CPNE9: variants seen among roughly 807,000 people sequenced by gnomAD.
The protein encoded by CPNE9 is copine-9.
CPNE9 carries 59 observed loss-of-function variants against 83.0 expected under a neutral mutation model. The observed-to-expected ratio is 0.71, with a 90% confidence interval of 0.58 to 0.88. The LOEUF (loss-of-function observed/expected upper bound fraction) is 0.88. Among genes scored for constraint, CPNE9 ranks in the 40% least tolerant of loss-of-function variants. The pLI is 0.00. For synonymous variants in CPNE9, 256 were observed against 273.4 expected, an observed-to-expected ratio of 0.94 and a Z score of 0.63; for missense variants, 619 against 720.8, an observed-to-expected ratio of 0.86 and a Z score of 1.62.
chr3:9,724,621 C>G (rs889182485), intron 17 of CPNE9, among the ~76,000 whole-genome samples: 3 of 152,148 alleles, frequency 2.0e-5, no homozygotes, highest in African/African-American at 7.2e-5. Context: ...TGCTGTTCCC[C>G]CTTCCTAGAA....
At chr3:9,705,169 T>G in intron 4 of CPNE9, 175 bp downstream of exon 4, 1 of 656,368 alleles carries the variant, frequency 1.5e-6, no homozygotes, top group Admixed American at 2.2e-5. Context: ...GCGGTCCAGT[T>G]CCGTCCCCCG....
Position 9,726,740 on chromosome 3 carries a change from T to G in CPNE9, c.1402+18T>G. 1 of 1,611,862 alleles carries G rather than the reference T, an allele frequency of 6.2e-7. No homozygotes were observed. The highest frequency in any genetic ancestry group is 1.7e-5 in the Admixed American group (1 of 59,986). ...GTTTGAGGGTGAGTAGGAAGGGGTG[T>G]CCCTGAGTGGGACTAAGAACTAAGG... On this transcript the variant is annotated intron_variant, in intron 19 of 20. Coordinates refer to ENST00000383832, the MANE Select transcript of CPNE9 (RefSeq NM_153635.3).
chr3:9,705,071 C>G (rs1474000175), intron 4 of CPNE9, 77 bp downstream of exon 4: 8 of 1,073,628 alleles, frequency 7.5e-6, no homozygotes, highest in Non-Finnish European at 9.8e-6. Flanking sequence ...GCCCCACCCC[C>G]GCCTCGCCTC....
chr3:9,726,602 C>A, intron 18 of CPNE9, 63 bp from the exon 19 acceptor site: 3 of 1,300,542 alleles, frequency 2.3e-6, no homozygotes, highest in Admixed American at 1.7e-5. Context: ...AGAACTGTCT[C>A]CCAACAGTCA....
Position 9,712,602 on chromosome 3 carries a change from C to T in CPNE9, c.439C>T (p.Arg147Trp), listed in dbSNP as rs775250719. The T allele has an allele frequency of 1.9e-6, 3 of 1,613,802 alleles. No homozygotes were observed. The highest frequency in any genetic ancestry group is 2.2e-5 in the East Asian group (1 of 44,884). ...LLTAEELSNC[R>W]DIATMQLCAN... ...GACTGCAGAAGAGCTTAGCAATTGT[C>T]GGGTCAGTAAGGGCCACATGCTAGA... Residue 147 changes from arginine to tryptophan, a missense_variant and splice_region_variant, in exon 8 of 21, where the codon CGG becomes TGG. Coordinates refer to ENST00000383832, the MANE Select transcript of CPNE9 (RefSeq NM_153635.3).
At chr3:9,716,059 G>A (rs781776490) in intron 14 of CPNE9, 24 bp downstream of exon 14, 2 of 1,597,680 alleles carry the variant, frequency 1.3e-6, no homozygotes, top group African/African-American at 1.3e-5. Context: ...CAAGCTCTGG[G>A]CTGAAAGCCC....
chr3:9,714,916 C>A lies in CPNE9; in HGVS notation c.653C>A (p.Thr218Lys). ...TATGTTTATCTCCTACATTTCAGAACGGTGAAGATTGATGTGTACGACTGG... is the reference window on the plus strand; with the variant it reads ...TATGTTTATCTCCTACATTTCAGAAAGGTGAAGATTGATGTGTACGACTGG... ...RALCNGDYDRTVKIDVYDWDR... is the reference protein window; with the variant it reads ...RALCNGDYDRKVKIDVYDWDR... Residue 218 changes from threonine to lysine, a missense_variant and splice_region_variant, in exon 11 of 21, where the codon ACG becomes AAG. By Grantham distance (78) the Thr-to-Lys change is moderately conservative. This residue lies in a region of CPNE9 where 438 missense variants were observed against 562.9 expected (regional missense o/e 0.78). Transcript: ENST00000383832. 6.2e-7 allele frequency: 1 copy of A among 1,613,496 alleles called. No homozygotes were observed. The highest frequency in any genetic ancestry group is 8.5e-7 in the Non-Finnish European group (1 of 1,179,566).
intron 17 of CPNE9, among the ~76,000 whole-genome samples, chr3:9,719,937 G>A (rs1168872043): frequency 1.3e-5 from 2 of 150,398 alleles, no homozygotes; most frequent in East Asian, 3.9e-4. Context: ...GGTGCAGTGA[G>A]CCGAGATCAC....
chr3:9,705,325 A>C lies in CPNE9; in HGVS notation c.261-139A>C, dbSNP rs2076551010. 3 of 709,512 alleles carry C rather than the reference A, an allele frequency of 4.2e-6. No individual in the cohort carries two copies. In the Admixed American group the frequency reaches 7.2e-5, roughly 17 times the overall value. 44.0% of individuals were successfully genotyped at this position (709,512 alleles called of 1,614,324 possible). A position where few individuals can be genotyped will look rare whatever the true frequency, so the allele number is the denominator to read the frequency against. ...ACTCAGCCCACCCTGACTCCTCCCC[A>C]AAAGGAGACCAAAGCTGAATTCGGG... is the stretch of plus-strand genomic sequence containing the variant. On this transcript the variant is annotated intron_variant, in intron 4 of 20. Transcript: ENST00000383832.
chr3:9,707,885 CA>C (rs1247065966), intron 7 of CPNE9, among the ~76,000 whole-genome samples: 2 of 150,172 alleles, frequency 1.3e-5, no homozygotes, highest in African/African-American at 4.9e-5. Context: ...GTTTTATAAA[CA>C]TATAAAATGT....
intron 7 of CPNE9, among the ~76,000 whole-genome samples, chr3:9,710,785 G>A (rs1354187618): frequency 6.6e-6 from 1 of 152,214 alleles, no homozygotes; most frequent in Non-Finnish European, 1.5e-5. Flanking sequence ...AGCACTTTGG[G>A]AGGCTGAGGC....
chr3:9,721,853 G>A (rs1285679338), intron 17 of CPNE9, among the ~76,000 whole-genome samples: 2 of 152,070 alleles, frequency 1.3e-5, no homozygotes, highest in Admixed American at 1.3e-4. Context: ...ATAACCCCTT[G>A]GGGATGTTAC....
chr3:9,725,708 G>A (rs1006446119), intron 17 of CPNE9, among the ~76,000 whole-genome samples: 18 of 109,728 alleles, frequency 1.6e-4, no homozygotes, highest in Admixed American at 1.4e-3. Context: ...GTATATATGT[G>A]TATATATGTG....
chr3:9,707,265 A>C (rs1191788242), intron 7 of CPNE9, among the ~76,000 whole-genome samples: 2 of 145,854 alleles, frequency 1.4e-5, no homozygotes, highest in Admixed American at 1.4e-4. Flanking sequence ...AGGGAGGAGA[A>C]TGGCGTGAAC....
rs752427032 is a variant in CPNE9, at chr3:9,715,969, C to T, written c.823-5C>T. On this transcript the variant is annotated splice_polypyrimidine_tract_variant and splice_region_variant and intron_variant, in intron 13 of 20. Coordinates refer to ENST00000383832, the MANE Select transcript of CPNE9 (RefSeq NM_153635.3). ...AGTGCCAGGGCTGCCTATTCTGTCC[C>T]ACAGGTGACGCTGCTCTCCTTCTCT... 1 of 1,610,970 alleles carries T rather than the reference C, an allele frequency of 6.2e-7. No individual in the cohort carries two copies. The highest frequency in any genetic ancestry group is 1.1e-5 in the South Asian group (1 of 90,080).
At chr3:9,716,604 G>A (rs1458778590) in intron 14 of CPNE9, among the ~76,000 whole-genome samples, 1 of 152,106 alleles carries the variant, frequency 6.6e-6, no homozygotes, top group Non-Finnish European at 1.5e-5. Flanking sequence ...CCAAGTAGCT[G>A]GGATTACAGG....
chr3:9,717,605 T>C (rs934991599), intron 15 of CPNE9, among the ~76,000 whole-genome samples: 2 of 152,114 alleles, frequency 1.3e-5, no homozygotes, highest in Non-Finnish European at 2.9e-5. Flanking sequence ...GCTAGCCGGA[T>C]GGATAAAATA....
At chr3:9,708,805 T>C (rs978673319) in intron 7 of CPNE9, among the ~76,000 whole-genome samples, 1 of 151,984 alleles carries the variant, frequency 6.6e-6, no homozygotes, top group African/African-American at 2.4e-5. Context: ...GCTAATTTTT[T>C]TTGTATTTTT....
chr3:9,707,794 A>C (rs1362046077), intron 7 of CPNE9, among the ~76,000 whole-genome samples: 2 of 150,640 alleles, frequency 1.3e-5, no homozygotes, highest in African/African-American at 4.9e-5. Context: ...AAAAAGACAA[A>C]AAAAAAAAAA....
Sources: gnomAD v4.1 joint callset for allele counts (sites outside exome capture counted in the v4.1 genomes callset) on GRCh38, gnomAD v4.1.1 for gene constraint, gnomAD v4.1.1 regional missense constraint, MANE v1.5 for transcripts, NCBI Gene and HGNC (gene_info 2026-07-23, HGNC 2026-07-21) for gene names.